The following HELZ variants were observed in gnomAD, a reference collection of about 807,000 sequenced individuals.
HELZ encodes the protein ATP-dependent RNA helicase with zinc finger domain.
HELZ carries 23 observed loss-of-function variants against 218.2 expected under a neutral mutation model. That is an observed-to-expected ratio of 0.11 (90% CI 0.08 to 0.15). The LOEUF (loss-of-function observed/expected upper bound fraction) is 0.15. HELZ is among the 10% of genes least tolerant of loss of function. The pLI, the probability that HELZ is intolerant of heterozygous loss-of-function variation, is 1.00. For missense variants in HELZ, 1,813 were observed against 2,353.7 expected (o/e 0.77, Z 4.75); for synonymous variants, 814 against 829.4 (o/e 0.98, Z 0.32).
Position 67,239,453 on chromosome 17 carries a change from T to G in HELZ, c.-39A>C, listed in dbSNP as rs1363128078. ...CTCACCTGCAGTTCACTGCACTGGG[T>G]ATCACCCAAATAGCCCATCAGAGCT... On this transcript the variant is annotated 5_prime_UTR_variant, in exon 3 of 33. Transcript: ENST00000358691. The G allele has an allele frequency of 6.6e-6, 1 of 152,232 alleles. No individual in the cohort carries two copies. The highest frequency in any genetic ancestry group is 1.5e-5 in the Non-Finnish European group (1 of 68,048). 9.4% of individuals were successfully genotyped at this position (152,232 alleles called of 1,614,324 possible).
At chr17:67,161,314 AT>A in intron 15 of HELZ, among the ~76,000 whole-genome samples, 1 of 152,232 alleles carries the variant, frequency 6.6e-6, no homozygotes, top group East Asian at 1.9e-4. Context: ...GTACAAAAAG[AT>A]TTTGGTAACT....
chr17:67,220,856 C>CG (rs1555626567), intron 3 of HELZ, among the ~76,000 whole-genome samples: 4 of 146,244 alleles, frequency 2.7e-5, no homozygotes, highest in African/African-American at 1.0e-4. Flanking sequence ...AACTCCCCCC[C>CG]CCCCAAAAAA....
At chr17:67,240,099 T>C (rs2041281311) in intron 2 of HELZ, among the ~76,000 whole-genome samples, 1 of 152,246 alleles carries the variant, frequency 6.6e-6, no homozygotes, top group Non-Finnish European at 1.5e-5. Context: ...ATCAAAACTT[T>C]ACCAACCTGA....
At chr17:67,114,452 C>T (rs550180567) in intron 27 of HELZ, 49 bp from the exon 28 acceptor site, 4 of 1,036,516 alleles carry the variant, frequency 3.9e-6, no homozygotes, top group African/African-American at 3.2e-5. Context: ...GTGGATATGA[C>T]ACTTCCAATG....
intron 31 of HELZ, among the ~76,000 whole-genome samples, chr17:67,101,186 G>A (rs1254934135): frequency 6.6e-6 from 1 of 150,898 alleles, no homozygotes; most frequent in Non-Finnish European, 1.5e-5. Context: ...AATTAAATGA[G>A]AAGTATTTGT....
chr17:67,138,915 C>T (rs1394077812), intron 21 of HELZ, among the ~76,000 whole-genome samples: 2 of 151,850 alleles, frequency 1.3e-5, no homozygotes, highest in East Asian at 1.9e-4. Context: ...GTTCCTTGCC[C>T]GCTACTTACT....
At chr17:67,110,015 T>C (rs2037232005) in intron 28 of HELZ, among the ~76,000 whole-genome samples, 1 of 152,218 alleles carries the variant, frequency 6.6e-6, no homozygotes, top group South Asian at 2.1e-4. Flanking sequence ...TATTTCATTC[T>C]GATATAAATC....
intron 21 of HELZ, among the ~76,000 whole-genome samples, chr17:67,143,545 G>C (rs1044880887): frequency 7.9e-5 from 12 of 151,970 alleles, no homozygotes; most frequent in African/African-American, 2.7e-4. Flanking sequence ...GACCCCAGGA[G>C]GTCAAGGCTG....
chr17:67,191,365 G>A (rs186863217), intron 9 of HELZ, among the ~76,000 whole-genome samples: 17 of 152,200 alleles, frequency 1.1e-4, no homozygotes, highest in African/African-American at 4.1e-4. Context: ...CATTTTAAAG[G>A]ACAGAGAGTC....
chr17:67,186,578 T>G (rs1378303298), intron 12 of HELZ, among the ~76,000 whole-genome samples: 1 of 152,210 alleles, frequency 6.6e-6, no homozygotes, highest in Non-Finnish European at 1.5e-5. Context: ...CCACCTTTTC[T>G]AATTATCATG....
At chr17:67,197,534 A>C (rs1329585415) in intron 7 of HELZ, among the ~76,000 whole-genome samples, 1 of 152,206 alleles carries the variant, frequency 6.6e-6, no homozygotes, top group Non-Finnish European at 1.5e-5. Context: ...CCCTGTGTGC[A>C]CATTAGCTGT....
rs1382661137 is a variant in HELZ at position 67,071,126 on chromosome 17, G to A, written c.*7126C>T. On this transcript the variant is annotated 3_prime_UTR_variant, in exon 33 of 33. Coordinates refer to ENST00000358691, the MANE Select transcript of HELZ (RefSeq NM_014877.4). ...TACATATAGCCAGTACCTTTATGGG[G>A]TTTAAAGAATCAGGTCAGATGACTG... 3 of 152,444 alleles carry A rather than the reference G, an allele frequency of 2.0e-5. No individual in the cohort carries two copies. Among genetic ancestry groups the A allele is most frequent in the Admixed American group, 6.5e-5 (1 of 15,276 alleles). The allele number at this position is 152,444 out of a possible 1,614,324, so 9.4% of individuals were successfully genotyped here.
In HELZ at chr17:67,072,013, A is replaced by AC. The variant is rs780898510; in HGVS notation, c.*6238dup. 605 of 93,504 alleles carry AC rather than the reference A, an allele frequency of 6.5e-3. 4 individuals are homozygous for AC. The highest frequency in any genetic ancestry group is 0.023 in the African/African-American group (501 of 22,164). 5.8% of individuals were successfully genotyped at this position (93,504 alleles called of 1,614,324 possible). ...TCCTTTGCCCTCACCACCCTCCCCC[A>AC]CAAAAAAAAAAAATAATAATAACCA... On this transcript the variant is annotated 3_prime_UTR_variant, in exon 33 of 33. Transcript: ENST00000358691.
chr17:67,147,670 G>C (rs1184456312), intron 20 of HELZ, among the ~76,000 whole-genome samples: 3 of 109,560 alleles, frequency 2.7e-5, no homozygotes, highest in Non-Finnish European at 7.1e-5. Flanking sequence ...TTGGTAGGAA[G>C]GGGGGGTCTT....
chr17:67,101,775 T>A (rs983068533), intron 31 of HELZ, among the ~76,000 whole-genome samples: 2 of 152,188 alleles, frequency 1.3e-5, no homozygotes, highest in East Asian at 3.8e-4. Context: ...GAAAGTGACA[T>A]CTCTTTAGTG....
At chr17:67,189,561 T>C (rs1340186910) in intron 11 of HELZ, 28 bp downstream of exon 11, 2 of 1,417,162 alleles carry the variant, frequency 1.4e-6, no homozygotes, top group African/African-American at 2.8e-5. Context: ...ACACAACTTT[T>C]ATGCTTTAAC....
At chr17:67,190,475 T>G in intron 9 of HELZ, 120 bp from the exon 10 acceptor site, 1 of 708,598 alleles carries the variant, frequency 1.4e-6, no homozygotes. Flanking sequence ...TGAAAGGCCA[T>G]ATTTATCGTA....
rs1162053287 is a variant in HELZ, at chr17:67,218,764, C to A, written c.41G>T (p.Cys14Phe). Reference sequence around the variant, plus strand: ...ATAGTCCTGCCTCTTAAGTGATTCACATGCTTGTTCACATGACTTTTCAGC... The same window carrying A: ...ATAGTCCTGCCTCTTAAGTGATTCAAATGCTTGTTCACATGACTTTTCAGC... ...RRAEKSCEQACESLKRQDYEM... is the reference protein window; with the variant it reads ...RRAEKSCEQAFESLKRQDYEM... Residue 14 changes from cysteine to phenylalanine, a missense_variant, in exon 4 of 33, where the codon TGT (cysteine) becomes TTT (phenylalanine). By Grantham distance (205) the Cys-to-Phe change is radical. This residue lies in a region of HELZ where 714 missense variants were observed against 1,029.2 expected (regional missense o/e 0.69). Transcript: ENST00000358691. The A allele has an allele frequency of 6.2e-7, 1 of 1,614,228 alleles. No individual in the cohort carries two copies. The highest frequency in any genetic ancestry group is 1.7e-5 in the Admixed American group (1 of 60,020).
chr17:67,213,972 A>T (rs1309623846), intron 5 of HELZ, among the ~76,000 whole-genome samples: 1 of 152,226 alleles, frequency 6.6e-6, no homozygotes, highest in African/African-American at 2.4e-5. Context: ...ACGTATTATA[A>T]GCACTTATGT....
Sources: allele counts gnomAD v4.1 joint callset (sites outside exome capture counted in the v4.1 genomes callset), GRCh38; gene constraint gnomAD v4.1.1; regional missense constraint gnomAD v4.1.1; transcripts MANE v1.5; gene names NCBI Gene and HGNC (gene_info 2026-07-23, HGNC 2026-07-21).